Variants in GPR83 observed in about 807,000 individuals in gnomAD.
The protein encoded by GPR83 is G protein-coupled receptor 83, also known as G-protein coupled receptor 72.
Under a neutral mutation model 28.0 loss-of-function variants are expected in GPR83, and 23 were observed. The observed-to-expected ratio is 0.82, with a 90% CI of 0.59 to 1.16. GPR83 has a LOEUF of 1.16. Ranked by LOEUF, GPR83 falls within the 50% of genes most tolerant of loss-of-function variation. The probability of loss-of-function intolerance (pLI) is 0.00; values close to 1 mark genes in which losing one functional copy is unlikely to be tolerated. For missense variants in GPR83, 610 were observed against 536.6 expected (o/e 1.14, Z -1.35); for synonymous variants, 234 against 215.4 (o/e 1.09, Z -0.76).
intron 3 of GPR83, among the ~76,000 whole-genome samples, chr11:94,388,497 G>A (rs1274084216): frequency 2.6e-5 from 4 of 152,084 alleles, no homozygotes; most frequent in African/African-American, 9.7e-5. Flanking sequence ...AAATCAATGT[G>A]CAAAAATCAC....
chr11:94,401,331 G>A lies in GPR83; in HGVS notation c.-84C>T. 7.3e-7 allele frequency: 1 copy of A among 1,375,338 alleles called. No individual in the cohort carries two copies. Among genetic ancestry groups the A allele is most frequent in the Middle Eastern group, 2.6e-4 (1 of 3,782 alleles). 85.2% of individuals were successfully genotyped at this position (1,375,338 alleles called of 1,614,324 possible). On this transcript the variant is annotated 5_prime_UTR_variant, in exon 1 of 4. Coordinates refer to ENST00000243673, the MANE Select transcript of GPR83 (RefSeq NM_016540.4). ...ATCGGAGCGCGCAGCCGGGGTGCGG[G>A]GCGCACAGCATACAAGGCCGTCCCG...
chr11:94,397,265 T>C (rs1314511993), intron 1 of GPR83, among the ~76,000 whole-genome samples: 1 of 152,186 alleles, frequency 6.6e-6, no homozygotes, highest in Non-Finnish European at 1.5e-5. Flanking sequence ...CCAGCACTAT[T>C]TACTCATTCA....
chr11:94,380,889 T>C, intron 3 of GPR83, 116 bp from the exon 4 acceptor site: 1 of 811,782 alleles, frequency 1.2e-6, no homozygotes, highest in Non-Finnish European at 1.9e-6. Context: ...GGTACATCCA[T>C]CTAATATGGC....
At chr11:94,390,556 T>C (rs1237318513) in intron 3 of GPR83, among the ~76,000 whole-genome samples, 2 of 152,184 alleles carry the variant, frequency 1.3e-5, no homozygotes, top group African/African-American at 4.8e-5. Flanking sequence ...GATGACATGA[T>C]TGTGTATTTA....
chr11:94,390,078 C>A (rs1168337883), intron 3 of GPR83, among the ~76,000 whole-genome samples: 1 of 151,930 alleles, frequency 6.6e-6, no homozygotes, highest in Non-Finnish European at 1.5e-5. Context: ...GGACAAAAAA[C>A]CAAACACCGC....
chr11:94,380,777 G>C lies in GPR83; in HGVS notation c.648-4C>G. 1 of 1,602,892 alleles carries C rather than the reference G, an allele frequency of 6.2e-7. No individual in the cohort carries two copies. On this transcript the variant is annotated splice_region_variant and splice_polypyrimidine_tract_variant and intron_variant, in intron 3 of 3. Transcript: ENST00000243673. Reference sequence around the variant, plus strand: ...GAGGGAGCGCACAATGTCCTCACTGGGGGCAGGAAGTGGGGAGGGGGAGAG... The same window carrying C: ...GAGGGAGCGCACAATGTCCTCACTGCGGGCAGGAAGTGGGGAGGGGGAGAG...
intron 3 of GPR83, among the ~76,000 whole-genome samples, chr11:94,386,614 A>C (rs1041483258): frequency 2.0e-5 from 3 of 152,316 alleles, no homozygotes; most frequent in African/African-American, 4.8e-5. Context: ...ATCAATTCAA[A>C]AAGAAGAGCT....
intron 3 of GPR83, among the ~76,000 whole-genome samples, chr11:94,392,241 C>T (rs1047923193): frequency 3.9e-5 from 6 of 152,072 alleles, no homozygotes; most frequent in Admixed American, 2.6e-4. Flanking sequence ...CCAAACACCA[C>T]ATATTCTCAC....
intron 3 of GPR83, among the ~76,000 whole-genome samples, chr11:94,381,795 A>G (rs1437766243): frequency 6.6e-6 from 1 of 152,172 alleles, no homozygotes; most frequent in Non-Finnish European, 1.5e-5. Context: ...GACCTGTAAT[A>G]AAAGACTGAG....
chr11:94,388,723 A>T (rs1253466755), intron 3 of GPR83, among the ~76,000 whole-genome samples: 1 of 152,246 alleles, frequency 6.6e-6, no homozygotes. Flanking sequence ...AGGAAGAATC[A>T]GTATTGTGAA....
At chr11:94,400,808 G>C in intron 1 of GPR83, 53 bp downstream of exon 1, 1 of 1,567,464 alleles carries the variant, frequency 6.4e-7, no homozygotes, top group African/African-American at 1.3e-5. Flanking sequence ...AGAACTGAGA[G>C]AGGAAAGGGA....
rs867546572 is a variant in GPR83, at chr11:94,380,020, G to T, written c.*129C>A. Reference sequence around the variant, plus strand: ...GCTAGGAGGCTGGACAGTTTCCTAGGAATTCAAGAGTCCTACAGCTTCTGC... The same window carrying T: ...GCTAGGAGGCTGGACAGTTTCCTAGTAATTCAAGAGTCCTACAGCTTCTGC... On this transcript the variant is annotated 3_prime_UTR_variant, in exon 4 of 4. Coordinates refer to ENST00000243673, the MANE Select transcript of GPR83 (RefSeq NM_016540.4). 2.9e-6 allele frequency: 2 copies of T among 685,208 alleles called. No individual in the cohort carries two copies. The highest frequency in any genetic ancestry group is 5.6e-5 in the East Asian group (2 of 35,426). The allele number at this position is 685,208 out of a possible 1,614,324, so 42.4% of individuals were successfully genotyped here.
At chr11:94,387,604 T>C (rs1944773497) in intron 3 of GPR83, among the ~76,000 whole-genome samples, 1 of 152,118 alleles carries the variant, frequency 6.6e-6, no homozygotes, top group Non-Finnish European at 1.5e-5. Context: ...CCTCGACACA[T>C]ACACCCTCCC....
rs1944730923 is a variant in GPR83, at chr11:94,384,707, T to C, written c.648-3934A>G. 1.3e-5 allele frequency among the ~76,000 whole-genome samples: 2 copies of C among 152,074 alleles called. 1 individual carries two copies. The highest frequency in any genetic ancestry group is 4.1e-4 in the South Asian group (2 of 4,820). ...AGGTAAACAAAGCGGCCAGGAAGCT[T>C]GAATTGGGTGGAGCCCACTGCAGCT... On this transcript the variant is annotated intron_variant, in intron 3 of 3. Transcript: ENST00000243673.
chr11:94,400,926 G>A lies in GPR83; in HGVS notation c.322C>T (p.Leu108Phe), dbSNP rs141012305. Residue 108 changes from leucine (L) to phenylalanine (F), a missense_variant, in exon 1 of 4, where the codon CTC becomes TTC. By Grantham distance (22) the Leu-to-Phe change is conservative. Transcript: ENST00000243673. ...KNQRMHSATS[L>F]FIVNLAVADI... ...GCAACTGCCAGGTTGACGATGAAGA[G>A]GCTGGTGGCCGAGTGCATTCGCTGG... 143 of 1,614,110 alleles carry A rather than the reference G, an allele frequency of 8.9e-5. No homozygotes were observed. The highest frequency in any genetic ancestry group is 1.2e-4 in the Admixed American group (7 of 60,028).
At chr11:94,396,705 CAAT>C (rs1944870520) in intron 1 of GPR83, among the ~76,000 whole-genome samples, 181 bp from the exon 2 acceptor site, 5 of 152,078 alleles carry the variant, frequency 3.3e-5, no homozygotes, top group African/African-American at 1.2e-4. Context: ...TTCATTCATT[CAAT>C]TCAACAAACC....
rs79774577 is a variant in GPR83, at chr11:94,401,268, C to T, written c.-21G>A. ...ACCATTTTGCAGGAGCCACCCCTCCCCTGGGAGCCTGCGGGCCGGGCGTCC... is the reference window on the plus strand; with the variant it reads ...ACCATTTTGCAGGAGCCACCCCTCCTCTGGGAGCCTGCGGGCCGGGCGTCC... On this transcript the variant is annotated 5_prime_UTR_variant, in exon 1 of 4. Coordinates refer to ENST00000243673, the MANE Select transcript of GPR83 (RefSeq NM_016540.4). The T allele has an allele frequency of 0.03, 46,442 of 1,561,302 alleles. 816 individuals are homozygous for T. The highest frequency in any genetic ancestry group is 0.033 in the Non-Finnish European group (38,624 of 1,159,288).
At chr11:94,386,993 C>G (rs1591603185) in intron 3 of GPR83, among the ~76,000 whole-genome samples, 1 of 152,180 alleles carries the variant, frequency 6.6e-6, no homozygotes, top group East Asian at 1.9e-4. Flanking sequence ...GAACACAGAG[C>G]AATCAAACTA....
intron 3 of GPR83, 78 bp downstream of exon 3, chr11:94,393,407 G>C: frequency 3.7e-6 from 5 of 1,348,796 alleles, no homozygotes; most frequent in African/African-American, 1.4e-5. Context: ...GCTCCTGGGG[G>C]CCTCAGGTAT....
Sources: allele counts gnomAD v4.1 joint callset (sites outside exome capture counted in the v4.1 genomes callset), GRCh38; gene constraint gnomAD v4.1.1; transcripts MANE v1.5; gene names NCBI Gene and HGNC (gene_info 2026-07-23, HGNC 2026-07-21).